Variants in MAF observed in about 807,000 individuals in gnomAD.
MAF encodes the protein MAF bZIP transcription factor, also known as transcription factor Maf.
In MAF, 10 loss-of-function variants were observed where a neutral mutation model predicts 22.0. The ratio of observed to expected loss-of-function variants is 0.45; its 90% confidence interval spans 0.28 to 0.77. The LOEUF is 0.77. MAF is among the 30% of genes least tolerant of loss of function. The pLI is 0.12. For missense variants in MAF, 544 were observed against 548.4 expected, an observed-to-expected ratio of 0.99 and a Z score of 0.08; for synonymous variants, 337 against 255.8, an observed-to-expected ratio of 1.32 and a Z score of -3.03.
chr16:79,521,560 A>T, the MAF span, among the ~76,000 whole-genome samples: 2 of 152,176 alleles, frequency 1.3e-5, no homozygotes. Flanking sequence ...ATCTCCCTGA[A>T]CAAGACCCTC....
chr16:79,549,796 C>G, the MAF span, among the ~76,000 whole-genome samples: 1 of 152,156 alleles, frequency 6.6e-6, no homozygotes, highest in East Asian at 1.9e-4. Context: ...GACCATCACC[C>G]TACAGATTGA....
chr16:79,452,747 AC>A, the MAF span, among the ~76,000 whole-genome samples: 2 of 151,850 alleles, frequency 1.3e-5, no homozygotes, highest in East Asian at 3.9e-4. Flanking sequence ...GAGTGGAAGC[AC>A]TCCACTTCCA....
the MAF span, among the ~76,000 whole-genome samples, chr16:79,419,155 C>T: frequency 6.6e-6 from 1 of 152,158 alleles, no homozygotes; most frequent in Non-Finnish European, 1.5e-5. Flanking sequence ...TGAAGGTGTG[C>T]TGGCCAGGTA....
the MAF span, among the ~76,000 whole-genome samples, chr16:79,404,294 G>T: frequency 6.6e-6 from 1 of 151,670 alleles, no homozygotes; most frequent in African/African-American, 2.4e-5. Context: ...CTCCGGAGTA[G>T]CTGGGACTAC....
the MAF span, among the ~76,000 whole-genome samples, chr16:79,556,777 A>T: frequency 9.2e-5 from 14 of 152,180 alleles, no homozygotes; most frequent in Non-Finnish European, 1.0e-4. Context: ...AAGTTAGGTA[A>T]TCTATCTATG....
chr16:79,401,418 G>A, the MAF span, among the ~76,000 whole-genome samples: 4 of 152,260 alleles, frequency 2.6e-5, no homozygotes, highest in South Asian at 6.2e-4. Flanking sequence ...GAGATGTTAA[G>A]TAAGTTGCCC....
the MAF span, among the ~76,000 whole-genome samples, chr16:79,406,038 G>C: frequency 6.6e-6 from 1 of 152,088 alleles, no homozygotes; most frequent in Non-Finnish European, 1.5e-5. Context: ...GGCTGACTGG[G>C]GTTGGTGTAT....
the MAF span, among the ~76,000 whole-genome samples, chr16:79,473,876 T>A: frequency 6.6e-6 from 1 of 152,070 alleles, no homozygotes; most frequent in Non-Finnish European, 1.5e-5. Context: ...AAATGAGAAA[T>A]CATCAGTGTT....
chr16:79,380,774 A>G, the MAF span, among the ~76,000 whole-genome samples: 3 of 152,190 alleles, frequency 2.0e-5, no homozygotes, highest in African/African-American at 7.2e-5. Context: ...GAACACATCA[A>G]TTCCAGTCCA....
intron 1 of MAF, chr16:79,596,222 AT>A: frequency 4.7e-6 from 5 of 1,061,202 alleles, no homozygotes; most frequent in Non-Finnish European, 5.7e-6. Context: ...ACCAAGGGCA[AT>A]TATGGCTCAA....
chr16:79,449,319 G>A, the MAF span, among the ~76,000 whole-genome samples: 3 of 152,202 alleles, frequency 2.0e-5, no homozygotes, highest in Non-Finnish European at 4.4e-5. Flanking sequence ...TCTGTGGCCC[G>A]AAGGTTGGGG....
the MAF span, among the ~76,000 whole-genome samples, chr16:79,301,625 T>G: frequency 2.3e-4 from 5 of 22,136 alleles, no homozygotes; most frequent in African/African-American, 7.9e-4. Flanking sequence ...ATGCATTTTA[T>G]TATATCTATG....
At chr16:79,495,994 T>A in the MAF span, among the ~76,000 whole-genome samples, 1 of 152,136 alleles carries the variant, frequency 6.6e-6, no homozygotes, top group Non-Finnish European at 1.5e-5. Flanking sequence ...TCCAGCAGAT[T>A]TCCCCAGCTG....
At chr16:79,275,254 G>A in the MAF span, among the ~76,000 whole-genome samples, 1 of 152,136 alleles carries the variant, frequency 6.6e-6, no homozygotes, top group Non-Finnish European at 1.5e-5. Context: ...TATTCAGGAG[G>A]CTGAGGCAGA....
the MAF span, among the ~76,000 whole-genome samples, chr16:79,549,052 C>G: frequency 3.1e-3 from 479 of 152,266 alleles, 2 homozygotes; most frequent in Middle Eastern, 0.014. Flanking sequence ...CTGGTTTCTT[C>G]ATCTGTAAAA....
the MAF span, among the ~76,000 whole-genome samples, chr16:79,355,215 C>T: frequency 6.6e-6 from 1 of 152,224 alleles, no homozygotes. Context: ...TGTTTCACAA[C>T]TTTCCCTGCT....
At chr16:79,237,395 G>A in the MAF span, among the ~76,000 whole-genome samples, 1 of 152,062 alleles carries the variant, frequency 6.6e-6, no homozygotes, top group African/African-American at 2.4e-5. Flanking sequence ...CAACTTAAAT[G>A]AACATATAAT....
the MAF span, among the ~76,000 whole-genome samples, chr16:79,520,975 G>C: frequency 6.6e-6 from 1 of 152,220 alleles, no homozygotes; most frequent in Non-Finnish European, 1.5e-5. Context: ...GAGGCTCAGA[G>C]AGTTCAAGTA....
chr16:79,445,527 T>C, the MAF span, among the ~76,000 whole-genome samples: 3 of 152,218 alleles, frequency 2.0e-5, no homozygotes, highest in African/African-American at 7.2e-5. Flanking sequence ...TAGAAGGCTG[T>C]AAGTCCAGAG....
Sources: allele counts gnomAD v4.1 joint callset (sites outside exome capture counted in the v4.1 genomes callset), GRCh38; gene constraint gnomAD v4.1.1; transcripts MANE v1.5; gene names NCBI Gene and HGNC (gene_info 2026-07-23, HGNC 2026-07-21).